Variants in CRACDL observed in about 807,000 individuals in gnomAD.
CRACDL encodes the protein CRACD like.
Under a neutral mutation model 70.6 loss-of-function variants are expected in CRACDL, and 26 were observed. That is an observed-to-expected ratio of 0.37 (90% CI 0.27 to 0.51). CRACDL has a LOEUF of 0.51. Among genes scored for constraint, CRACDL ranks in the 20% least tolerant of loss-of-function variants. The pLI, the probability that CRACDL is intolerant of heterozygous loss-of-function variation, is 0.94. For synonymous variants in CRACDL, 618 were observed against 615.2 expected, an observed-to-expected ratio of 1.00 and a Z score of -0.07; for missense variants, 1,283 against 1,376.9, an observed-to-expected ratio of 0.93 and a Z score of 1.08.
intron 1 of CRACDL, among the ~76,000 whole-genome samples, chr2:98,894,472 C>T (rs1435562654): frequency 1.3e-5 from 2 of 152,168 alleles, no homozygotes; most frequent in Non-Finnish European, 1.5e-5. Flanking sequence ...GGAAAATCCC[C>T]GGAGTTACCT....
At chr2:98,832,067 C>G (rs1040139947) in intron 5 of CRACDL, among the ~76,000 whole-genome samples, 1 of 152,284 alleles carries the variant, frequency 6.6e-6, no homozygotes. Context: ...TCTGCTCAGA[C>G]AGGAAAGTCA....
At chr2:98,798,216 A>G (rs1388795380) in intron 7 of CRACDL, among the ~76,000 whole-genome samples, 1 of 152,104 alleles carries the variant, frequency 6.6e-6, no homozygotes. Flanking sequence ...ATGGTGGCAC[A>G]TGCCTGTAGT....
intron 3 of CRACDL, among the ~76,000 whole-genome samples, chr2:98,833,356 G>A (rs1276784585): frequency 6.6e-6 from 1 of 152,258 alleles, no homozygotes; most frequent in Non-Finnish European, 1.5e-5. Context: ...CTGCCCCAGG[G>A]AGGGTGAGGT....
intron 1 of CRACDL, among the ~76,000 whole-genome samples, chr2:98,885,013 G>C (rs1231628112): frequency 6.6e-6 from 1 of 152,170 alleles, no homozygotes; most frequent in African/African-American, 2.4e-5. Context: ...TGACCACTGA[G>C]TCAGCTTCAG....
chr2:98,859,012 G>T (rs1706827009), intron 1 of CRACDL, among the ~76,000 whole-genome samples: 1 of 152,128 alleles, frequency 6.6e-6, no homozygotes, highest in South Asian at 2.1e-4. Flanking sequence ...CCACAAAGAA[G>T]AATCCAGCTC....
At chr2:98,841,730 A>T (rs1403105438) in intron 2 of CRACDL, among the ~76,000 whole-genome samples, 2 of 152,154 alleles carry the variant, frequency 1.3e-5, no homozygotes, top group African/African-American at 2.4e-5. Context: ...TCACTCCTGA[A>T]ATACATTTTT....
chr2:98,893,059 C>T (rs17022046), intron 1 of CRACDL, among the ~76,000 whole-genome samples: 5,724 of 152,290 alleles, frequency 0.038, 306 homozygotes, highest in East Asian at 0.13. Context: ...GGAGCATCTT[C>T]GGCCCAGAAA....
intron 1 of CRACDL, among the ~76,000 whole-genome samples, chr2:98,925,981 A>G (rs1708901659): frequency 6.6e-6 from 1 of 152,196 alleles, no homozygotes; most frequent in African/African-American, 2.4e-5. Context: ...ATTATCCAGT[A>G]TTTATATGCT....
rs577567472 is a variant in CRACDL, at chr2:98,819,881, G to A, written c.2416+1976C>T. 3.0e-3 allele frequency among the ~76,000 whole-genome samples: 433 copies of A among 146,766 alleles called. 2 individuals are homozygous for A. Among genetic ancestry groups the A allele is most frequent in the Non-Finnish European group, 3.5e-3 (236 of 67,230 alleles). ...GTCACCCAGGCTGGAGTGCAGTGGC[G>A]TGATCTCGGCTCACTGCAACCTCCG... On this transcript the variant is annotated intron_variant, in intron 7 of 9. Transcript: ENST00000397899.
intron 5 of CRACDL, among the ~76,000 whole-genome samples, chr2:98,830,157 A>G (rs1039775086): frequency 6.6e-6 from 1 of 152,188 alleles, no homozygotes; most frequent in African/African-American, 2.4e-5. Context: ...CTAGAATATG[A>G]CCAGTTAGAC....
chr2:98,827,128 G>A lies in CRACDL; in HGVS notation c.582C>T (p.Val194=), dbSNP rs748063103. The change falls in exon 6 of 10, where the codon GTC becomes GTT. Residue 194 remains valine, a synonymous_variant. Transcript: ENST00000397899. Reference sequence around the variant, plus strand: ...GGCTGTTGTCTGAGATCCGGGCAGAGACGGTGCTGTCGCTCACGTGGTCTG... The same window carrying A: ...GGCTGTTGTCTGAGATCCGGGCAGAAACGGTGCTGTCGCTCACGTGGTCTG... The part of the protein sequence containing the change: ...VSPDHVSDST[V]SARISDNSLA... 1 of 1,614,150 alleles carries A rather than the reference G, an allele frequency of 6.2e-7. No homozygotes were observed. Among genetic ancestry groups the A allele is most frequent in the Non-Finnish European group, 8.5e-7 (1 of 1,180,018 alleles).
chr2:98,830,064 G>A (rs556503905), intron 5 of CRACDL, among the ~76,000 whole-genome samples: 2 of 152,252 alleles, frequency 1.3e-5, no homozygotes, highest in Admixed American at 6.5e-5. Context: ...TTCCCTTCCC[G>A]CATCACCAAG....
chr2:98,877,071 T>A (rs1707504584), intron 1 of CRACDL, among the ~76,000 whole-genome samples: 1 of 152,240 alleles, frequency 6.6e-6, no homozygotes, highest in Non-Finnish European at 1.5e-5. Flanking sequence ...AGTGTCATTC[T>A]CAGGTTGCTC....
At chr2:98,836,018 G>C (rs1311960920) in intron 3 of CRACDL, among the ~76,000 whole-genome samples, 1 of 152,184 alleles carries the variant, frequency 6.6e-6, no homozygotes, top group African/African-American at 2.4e-5. Context: ...CGGGAATTGG[G>C]AGAATATAGG....
At chr2:98,861,228 T>C (rs1460627115) in intron 1 of CRACDL, among the ~76,000 whole-genome samples, 1 of 152,136 alleles carries the variant, frequency 6.6e-6, no homozygotes, top group Admixed American at 6.5e-5. Flanking sequence ...ATACTTGTAA[T>C]CCCAGCTACT....
chr2:98,925,863 A>G (rs1214781053), intron 1 of CRACDL, among the ~76,000 whole-genome samples: 1 of 152,110 alleles, frequency 6.6e-6, no homozygotes, highest in African/African-American at 2.4e-5. Context: ...TTCTAAACAC[A>G]CACATGCGCG....
At chr2:98,855,406 G>T (rs917896327) in intron 1 of CRACDL, among the ~76,000 whole-genome samples, 1 of 151,608 alleles carries the variant, frequency 6.6e-6, no homozygotes, top group Non-Finnish European at 1.5e-5. Context: ...AACATACAAA[G>T]AAATAAGGAT....
At chr2:98,865,635 G>A (rs1253066520) in intron 1 of CRACDL, among the ~76,000 whole-genome samples, 1 of 152,056 alleles carries the variant, frequency 6.6e-6, no homozygotes, top group Non-Finnish European at 1.5e-5. Flanking sequence ...CAGAGTTCCT[G>A]TGAGAAATCT....
chr2:98,794,503 T>C lies in CRACDL; in HGVS notation c.*29A>G. On this transcript the variant is annotated 3_prime_UTR_variant, in exon 10 of 10. Transcript: ENST00000397899. ...TTAACTAAGTGGCTTGTCAGGGTAG[T>C]GGACATGCTTTATCAGCACACTGCC... 2 of 1,605,448 alleles carry C rather than the reference T, an allele frequency of 1.2e-6. No homozygotes were observed. The highest frequency in any genetic ancestry group is 1.7e-6 in the Non-Finnish European group (2 of 1,173,000).
Sources: gnomAD v4.1 joint callset for allele counts (sites outside exome capture counted in the v4.1 genomes callset) on GRCh38, gnomAD v4.1.1 for gene constraint, MANE v1.5 for transcripts, NCBI Gene and HGNC (gene_info 2026-07-23, HGNC 2026-07-21) for gene names.